RANBP17: variants seen among roughly 807,000 people sequenced by gnomAD.
RANBP17 encodes the protein RAN binding protein 17.
In RANBP17, 158 loss-of-function variants were observed where a neutral mutation model predicts 141.2. The observed-to-expected ratio is 1.12, with a 90% CI of 0.98 to 1.28. The LOEUF (loss-of-function observed/expected upper bound fraction) is 1.28. Ranked by LOEUF, RANBP17 falls within the 50% of genes most tolerant of loss-of-function variation. RANBP17 has a pLI of 0.00. For missense variants in RANBP17, 1,438 were observed against 1,290.7 expected (o/e 1.11, Z -1.75); for synonymous variants, 430 against 450.0 (o/e 0.96, Z 0.56).
intron 1 of RANBP17, among the ~76,000 whole-genome samples, chr5:170,865,137 A>G (rs1166320436): frequency 6.6e-6 from 1 of 152,104 alleles, no homozygotes. Context: ...ATCTCGGCTA[A>G]CTGCAGCCTC....
At chr5:171,271,338 C>G (rs1241110127) in intron 25 of RANBP17, 1 of 212,064 alleles carries the variant, frequency 4.7e-6, no homozygotes, top group Non-Finnish European at 9.6e-6. Context: ...TGTGTTTAGA[C>G]TGAAATGATA....
chr5:170,944,679 C>T (rs889745390), intron 12 of RANBP17, among the ~76,000 whole-genome samples: 2 of 152,194 alleles, frequency 1.3e-5, no homozygotes, highest in African/African-American at 4.8e-5. Flanking sequence ...ATTTCTCATA[C>T]AATAGAAACC....
chr5:171,031,864 A>T (rs964270725), intron 14 of RANBP17, among the ~76,000 whole-genome samples: 4 of 152,086 alleles, frequency 2.6e-5, no homozygotes, highest in African/African-American at 7.2e-5. Flanking sequence ...CATTGGTTAG[A>T]TTGCCTGATG....
rs77725998 is a variant in RANBP17, at chr5:170,882,875, G to C, written c.256+979G>C. On this transcript the variant is annotated intron_variant, in intron 3 of 27. Coordinates refer to ENST00000523189, the MANE Select transcript of RANBP17 (RefSeq NM_022897.5). ...GCTTGCATTTCATATGGACAAAATT[G>C]TAATAATTGAGGTGTGGGGTTTTTT... is the stretch of plus-strand genomic sequence containing the variant. 7.5e-3 allele frequency among the ~76,000 whole-genome samples: 1,137 copies of C among 152,236 alleles called. 13 individuals are homozygous for C. The highest frequency in any genetic ancestry group is 0.026 in the African/African-American group (1,076 of 41,534).
chr5:171,276,368 A>T (rs140637880), intron 25 of RANBP17, among the ~76,000 whole-genome samples: 1 of 152,244 alleles, frequency 6.6e-6, no homozygotes, highest in African/African-American at 2.4e-5. Context: ...TTGTATGTTT[A>T]TAGAATAGGG....
chr5:171,089,424 C>G (rs1786018147), intron 14 of RANBP17, among the ~76,000 whole-genome samples: 1 of 151,852 alleles, frequency 6.6e-6, no homozygotes, highest in East Asian at 2.0e-4. Flanking sequence ...TTGTCTGTGC[C>G]CTGCCCCCAG....
At chr5:171,108,439 G>A (rs1186408867) in intron 14 of RANBP17, among the ~76,000 whole-genome samples, 1 of 152,054 alleles carries the variant, frequency 6.6e-6, no homozygotes, top group African/African-American at 2.4e-5. Context: ...TTGAGACGAG[G>A]TCTCACTCTG....
chr5:170,955,798 A>G (rs1011369887), intron 13 of RANBP17, among the ~76,000 whole-genome samples: 2 of 146,480 alleles, frequency 1.4e-5, no homozygotes. Context: ...ACAAAAATTG[A>G]GGAACAACCT....
At chr5:171,104,085 T>C (rs1226252477) in intron 14 of RANBP17, among the ~76,000 whole-genome samples, 2 of 152,222 alleles carry the variant, frequency 1.3e-5, no homozygotes, top group Non-Finnish European at 2.9e-5. Flanking sequence ...TTGCCCAGGC[T>C]GAAGTGCAAT....
At position 171,020,362 on chromosome 5, in the gene RANBP17, T is replaced by C. The variant is rs376817895; in HGVS notation, c.1710+51985T>C. Among the ~76,000 whole-genome samples the C allele has an allele frequency of 4.1e-4, 63 of 152,282 alleles. 1 individual carries two copies. In the South Asian group the frequency reaches 0.013, roughly 31 times the overall value. On this transcript the variant is annotated intron_variant, in intron 14 of 27. Transcript: ENST00000523189. ...TTGTTGATCTGTCTAAAATTGACAG[T>C]GGGGTGTTAAAGTCTCCCATTATTA... is the stretch of plus-strand genomic sequence containing the variant.
At chr5:171,171,352 G>A in intron 16 of RANBP17, 66 bp downstream of exon 16, 1 of 858,726 alleles carries the variant, frequency 1.2e-6, no homozygotes, top group Non-Finnish European at 1.8e-6. Flanking sequence ...TAATTAACCA[G>A]GTATTCTCCT....
intron 16 of RANBP17, among the ~76,000 whole-genome samples, chr5:171,175,385 A>C (rs1018798227): frequency 1.3e-5 from 2 of 152,046 alleles, no homozygotes; most frequent in African/African-American, 4.8e-5. Context: ...CAGTGGTTGA[A>C]CTAACTTATG....
At chr5:170,924,583 T>C (rs1300136614) in intron 12 of RANBP17, 33 bp downstream of exon 12, 11 of 1,329,344 alleles carry the variant, frequency 8.3e-6, no homozygotes, top group African/African-American at 1.4e-5. Flanking sequence ...CTGAGTATTA[T>C]GTTGAATATT....
chr5:170,988,865 A>C (rs751650303), intron 14 of RANBP17, among the ~76,000 whole-genome samples: 4 of 151,762 alleles, frequency 2.6e-5, no homozygotes, highest in Admixed American at 6.6e-5. Context: ...CTGGAAAAAA[A>C]TTAGCCAGGC....
chr5:170,965,190 T>C (rs1291035706), intron 13 of RANBP17, among the ~76,000 whole-genome samples: 1 of 152,198 alleles, frequency 6.6e-6, no homozygotes, highest in East Asian at 1.9e-4. Context: ...GCTGCATAAA[T>C]GTCTTCTTTT....
At chr5:170,934,848 G>T (rs140462462) in intron 12 of RANBP17, among the ~76,000 whole-genome samples, 4,600 of 152,216 alleles carry the variant, frequency 0.03, 233 homozygotes, top group African/African-American at 0.1. Context: ...CTGAATGTTG[G>T]CCTGCCTTGC....
chr5:170,878,419 G>A (rs763898551), intron 2 of RANBP17, among the ~76,000 whole-genome samples, 176 bp downstream of exon 2: 2 of 152,108 alleles, frequency 1.3e-5, no homozygotes, highest in Non-Finnish European at 2.9e-5. Context: ...GGAAAACCTG[G>A]AAAGCAAACT....
chr5:171,281,630 G>A (rs1767870136), intron 25 of RANBP17, among the ~76,000 whole-genome samples: 2 of 152,170 alleles, frequency 1.3e-5, no homozygotes, highest in South Asian at 4.1e-4. Context: ...CAGTGAGTAA[G>A]TGTGAGAAAT....
chr5:171,193,659 C>T (rs1185097679), intron 18 of RANBP17, among the ~76,000 whole-genome samples: 1 of 152,148 alleles, frequency 6.6e-6, no homozygotes, highest in Non-Finnish European at 1.5e-5. Context: ...TTTGCGGCTT[C>T]TAGAGACCAC....
Sources: gnomAD v4.1 joint callset for allele counts (sites outside exome capture counted in the v4.1 genomes callset) on GRCh38, gnomAD v4.1.1 for gene constraint, MANE v1.5 for transcripts, NCBI Gene and HGNC (gene_info 2026-07-23, HGNC 2026-07-21) for gene names.